The following KIF16B variants were observed in gnomAD, a reference collection of about 807,000 sequenced individuals.
The protein encoded by KIF16B is kinesin family member 16B.
In KIF16B, 98 loss-of-function variants were observed where a neutral mutation model predicts 156.3. The ratio of observed to expected loss-of-function variants is 0.63; its 90% CI spans 0.53 to 0.74. KIF16B has a LOEUF of 0.74. KIF16B is among the 30% of genes least tolerant of loss of function. The pLI is 0.00. For synonymous variants in KIF16B, 564 were observed against 583.7 expected, an observed-to-expected ratio of 0.97 and a Z score of 0.49; for missense variants, 1,421 against 1,606.5, an observed-to-expected ratio of 0.88 and a Z score of 1.97.
At chr20:16,520,842 C>T (rs748649387) in intron 3 of KIF16B, among the ~76,000 whole-genome samples, 10 of 152,138 alleles carry the variant, frequency 6.6e-5, no homozygotes, top group Non-Finnish European at 1.5e-4. Flanking sequence ...GAACAGGCAG[C>T]ATATTTCCTG....
At chr20:16,487,410 G>A (rs187840881) in intron 12 of KIF16B, among the ~76,000 whole-genome samples, 24 of 152,166 alleles carry the variant, frequency 1.6e-4, no homozygotes, top group Middle Eastern at 3.4e-3. Context: ...AACCTGACCC[G>A]CCTACAAGCC....
chr20:16,511,586 A>G, intron 5 of KIF16B, 59 bp from the exon 6 acceptor site: 1 of 1,066,428 alleles, frequency 9.4e-7, no homozygotes, highest in Non-Finnish European at 1.4e-6. Flanking sequence ...AATATCAGTA[A>G]CAACACATAA....
At chr20:16,494,962 T>G (rs2068407483) in intron 11 of KIF16B, among the ~76,000 whole-genome samples, 1 of 152,214 alleles carries the variant, frequency 6.6e-6, no homozygotes, top group African/African-American at 2.4e-5. Flanking sequence ...GTAAACACGC[T>G]CAACCGCTGA....
Position 16,283,731 on chromosome 20 carries a change from G to C in KIF16B, c.3796-10320C>G, listed in dbSNP as rs756680309. Among the ~76,000 whole-genome samples the C allele has an allele frequency of 2.8e-4, 43 of 152,178 alleles. 1 individual carries two copies. The highest frequency in any genetic ancestry group is 8.3e-4 in the South Asian group (4 of 4,830). ...TAGCTCATGGTTCTGTGGGTCAGAA[G>C]TCCTGCCACAGTGCAGGTAGCCTCT... On this transcript the variant is annotated intron_variant, in intron 25 of 25. Coordinates refer to ENST00000354981, the MANE Select transcript of KIF16B (RefSeq NM_024704.5).
chr20:16,286,696 C>T (rs911975887), intron 25 of KIF16B, among the ~76,000 whole-genome samples: 3 of 152,278 alleles, frequency 2.0e-5, no homozygotes, highest in African/African-American at 7.2e-5. Flanking sequence ...CCAATACAAA[C>T]TTCCAACTAA....
At chr20:16,413,150 A>C (rs190799761) in intron 15 of KIF16B, among the ~76,000 whole-genome samples, 93 of 152,226 alleles carry the variant, frequency 6.1e-4, no homozygotes, top group African/African-American at 2.2e-3. Context: ...TGATGCACTT[A>C]ATTTGTAATT....
intron 23 of KIF16B, among the ~76,000 whole-genome samples, chr20:16,340,050 G>C (rs1461334945): frequency 6.6e-6 from 1 of 152,142 alleles, no homozygotes; most frequent in Non-Finnish European, 1.5e-5. Context: ...AGTTCTTCCA[G>C]TGATCTACAA....
intron 10 of KIF16B, among the ~76,000 whole-genome samples, chr20:16,501,830 G>C (rs1171967569): frequency 6.6e-6 from 1 of 152,160 alleles, no homozygotes; most frequent in African/African-American, 2.4e-5. Flanking sequence ...TAGAGGTCAG[G>C]AGAGTGGCTA....
At position 16,336,022 on chromosome 20, in the gene KIF16B, A is replaced by G. The variant is rs1363251952; in HGVS notation, c.3622-7T>C. 6.5e-7 allele frequency: 1 copy of G among 1,535,960 alleles called. No homozygotes were observed. Among genetic ancestry groups the G allele is most frequent in the Non-Finnish European group, 8.9e-7 (1 of 1,125,872 alleles). On this transcript the variant is annotated splice_region_variant and splice_polypyrimidine_tract_variant and intron_variant, in intron 23 of 25. Transcript: ENST00000354981. ...TCTCATCTAGGACAGTAATCTATTA[A>G]CCAGGAAAACCAAAATGAATAAGCA...
chr20:16,487,111 G>T (rs2068140308), intron 12 of KIF16B, among the ~76,000 whole-genome samples: 1 of 151,998 alleles, frequency 6.6e-6, no homozygotes, highest in South Asian at 2.1e-4. Flanking sequence ...AAATTAGCTG[G>T]GCGTGGTGGT....
At chr20:16,481,865 A>C (rs1162953098) in intron 12 of KIF16B, among the ~76,000 whole-genome samples, 1 of 152,170 alleles carries the variant, frequency 6.6e-6, no homozygotes, top group Non-Finnish European at 1.5e-5. Flanking sequence ...TAAGGAAAAA[A>C]TGGATGACAT....
intron 17 of KIF16B, among the ~76,000 whole-genome samples, chr20:16,384,346 G>T (rs970238526): frequency 1.3e-5 from 2 of 152,086 alleles, no homozygotes; most frequent in Admixed American, 1.3e-4. Flanking sequence ...CCAGAATTTG[G>T]TAGTACCTAG....
intron 15 of KIF16B, among the ~76,000 whole-genome samples, chr20:16,418,722 C>T (rs111255716): frequency 0.015 from 2,325 of 152,228 alleles, 29 homozygotes; most frequent in South Asian, 0.041. Flanking sequence ...TTTTTGTTCA[C>T]GCAACTCATG....
intron 24 of KIF16B, among the ~76,000 whole-genome samples, chr20:16,333,246 T>C (rs541930387): frequency 7.2e-5 from 11 of 152,300 alleles, no homozygotes; most frequent in African/African-American, 2.6e-4. Flanking sequence ...CGGCTGGCTC[T>C]TTCTCAGCAT....
chr20:16,367,634 G>A lies in KIF16B; in HGVS notation c.3498+2952C>T, dbSNP rs746119431. 121 of 1,612,572 alleles carry A rather than the reference G, an allele frequency of 7.5e-5. No individual in the cohort carries two copies. The Admixed American group carries it at 9.8e-4, about 13-fold the overall frequency. ...ACATTGACTTCCATATTTCCATGAA[G>A]AAAGTAAATCATGTCAACCAAGGTA... On this transcript the variant is annotated intron_variant, in intron 22 of 25. Transcript: ENST00000354981.
intron 17 of KIF16B, among the ~76,000 whole-genome samples, chr20:16,389,224 G>A (rs1568925035): frequency 6.6e-6 from 1 of 152,140 alleles, no homozygotes; most frequent in Non-Finnish European, 1.5e-5. Flanking sequence ...TGTGACCCAT[G>A]CAGCTGCACA....
chr20:16,321,510 G>A (rs2063772641), intron 24 of KIF16B, among the ~76,000 whole-genome samples: 1 of 151,930 alleles, frequency 6.6e-6, no homozygotes, highest in African/African-American at 2.4e-5. Context: ...AGATGTTTAA[G>A]TTTCATTTCA....
intron 10 of KIF16B, among the ~76,000 whole-genome samples, chr20:16,502,077 A>G (rs568983971): frequency 1.6e-3 from 238 of 152,330 alleles, no homozygotes; most frequent in African/African-American, 5.4e-3. Context: ...GAAGAATCAA[A>G]TACATGTCAA....
At chr20:16,491,481 G>T (rs1410808833) in intron 12 of KIF16B, among the ~76,000 whole-genome samples, 1 of 152,186 alleles carries the variant, frequency 6.6e-6, no homozygotes, top group Non-Finnish European at 1.5e-5. Context: ...TCTAAGACCT[G>T]CCTCATTAAG....
Sources: allele counts gnomAD v4.1 joint callset (sites outside exome capture counted in the v4.1 genomes callset), GRCh38; gene constraint gnomAD v4.1.1; transcripts MANE v1.5; gene names NCBI Gene and HGNC (gene_info 2026-07-23, HGNC 2026-07-21).